Variants in ZNF711 observed in about 807,000 individuals in gnomAD.
ZNF711 encodes the protein zinc finger protein 711.
A neutral mutation model predicts 43.5 loss-of-function variants in ZNF711; 3 were observed. That is an observed-to-expected ratio of 0.07 (90% CI 0.03 to 0.18). ZNF711 has a LOEUF of 0.18. Ranked by LOEUF, ZNF711 falls within the 10% of genes least tolerant of loss-of-function variation. The probability of loss-of-function intolerance (pLI) is 1.00; values close to 1 mark genes in which losing one functional copy is unlikely to be tolerated. For synonymous variants in ZNF711, 209 were observed against 207.7 expected, an observed-to-expected ratio of 1.01 and a Z score of -0.06; for missense variants, 412 against 604.0, an observed-to-expected ratio of 0.68 and a Z score of 3.33.
intron 9 of ZNF711, among the ~76,000 whole-genome samples, chrX:85,269,045 G>A (rs1452892596): frequency 9.0e-6 from 1 of 111,428 alleles, no homozygotes; most frequent in African/African-American, 3.3e-5. Context: ...TGATAACTAG[G>A]ATTTTATTAA....
intron 5 of ZNF711, among the ~76,000 whole-genome samples, chrX:85,258,369 C>T (rs771440134): frequency 4.5e-5 from 5 of 110,288 alleles, no homozygotes; most frequent in Admixed American, 9.7e-5. Context: ...TTTGGGGACT[C>T]GGGAGAAAGG....
intron 5 of ZNF711, among the ~76,000 whole-genome samples, chrX:85,257,926 C>T (rs1930313835): frequency 8.8e-6 from 1 of 113,038 alleles, no homozygotes; most frequent in Non-Finnish European, 1.9e-5. Context: ...CACTTTTACA[C>T]TGTTGGTGGG....
Position 85,271,854 on chromosome X carries a change from A to G in ZNF711, c.*26A>G. The G allele has an allele frequency of 8.7e-7, 1 of 1,144,272 alleles. No individual in the cohort carries two copies. The highest frequency in any genetic ancestry group is 1.2e-6 in the Non-Finnish European group (1 of 836,511). 94.3% of individuals were successfully genotyped at this position (1,144,272 alleles called of 1,213,427 possible). On this transcript the variant is annotated 3_prime_UTR_variant, in exon 11 of 11. Transcript: ENST00000674551. The stretch of plus-strand genomic sequence containing the variant: ...TAAGATCAATATAAAGAAAGAAGCT[A>G]TTTAGGAGATATGATATGCTACTTG...
intron 4 of ZNF711, among the ~76,000 whole-genome samples, chrX:85,248,126 G>T (rs1216757457): frequency 9.6e-6 from 1 of 104,296 alleles, no homozygotes; most frequent in Non-Finnish European, 1.9e-5. Context: ...TATTTCCTCA[G>T]AAAGTTGTTA....
At chrX:85,255,147 G>T in intron 4 of ZNF711, 112 bp from the exon 5 acceptor site, 1 of 731,659 alleles carries the variant, frequency 1.4e-6, no homozygotes. Context: ...TGATTTATTT[G>T]GCCAAGATTA....
intron 5 of ZNF711, among the ~76,000 whole-genome samples, chrX:85,260,178 T>G (rs1425244123): frequency 5.4e-5 from 6 of 111,588 alleles, no homozygotes; most frequent in Non-Finnish European, 1.1e-4. Context: ...TAATTCTGTT[T>G]ATGTGGTGAA....
intron 4 of ZNF711, among the ~76,000 whole-genome samples, chrX:85,255,036 C>A (rs1010597736): frequency 1.8e-5 from 2 of 111,253 alleles, no homozygotes; most frequent in African/African-American, 6.5e-5. Context: ...ATTTTAAGGT[C>A]TTCATGTAGA....
chrX:85,269,404 G>T (rs1231446112), intron 9 of ZNF711, among the ~76,000 whole-genome samples: 1 of 101,685 alleles, frequency 9.8e-6, no homozygotes, highest in Admixed American at 1.1e-4. Context: ...AAGAGACAGG[G>T]TCTTCTTGCT....
chrX:85,263,217 A>C (rs1930816542), intron 5 of ZNF711, among the ~76,000 whole-genome samples: 1 of 111,165 alleles, frequency 9.0e-6, no homozygotes, highest in African/African-American at 3.2e-5. Flanking sequence ...TATTCATTGC[A>C]TAGTTCATGC....
rs1292116347 is a variant in ZNF711, at chrX:85,255,500, T to A, written c.321T>A (p.Asp107Glu). The change falls in exon 5 of 11, where the codon GAT becomes GAA. Residue 107 changes from aspartate (D) to glutamate (E), a missense_variant. Coordinates refer to ENST00000674551, the MANE Select transcript of ZNF711 (RefSeq NM_001330574.2). ...DVAIEEDLEE[D>E]DGDHILTSEL... The stretch of plus-strand genomic sequence containing the variant: ...CCATTGAAGAGGATTTAGAGGAAGA[T>A]GATGGTGATCACATCTTGACTTCTG... The A allele has an allele frequency of 3.3e-6, 4 of 1,210,045 alleles. No individual in the cohort carries two copies. The African/African-American group carries it at 7.0e-5, about 21-fold the overall frequency.
rs1057516013 is a variant in ZNF711, at chrX:85,245,958, G to T, written c.-350G>T. 8.9e-6 allele frequency: 1 copy of T among 112,057 alleles called. No homozygotes were observed. The highest frequency in any genetic ancestry group is 9.4e-5 in the Admixed American group (1 of 10,648). The allele number at this position is 112,057 out of a possible 1,213,427, so 9.2% of individuals were successfully genotyped here. A position where few individuals can be genotyped will look rare whatever the true frequency, so the allele number is the denominator to read the frequency against. Reference sequence around the variant, plus strand: ...CATAGCACAGAAGGAAAAATAAAAAGAAATTGCTGCAGATTTTACTTTATG... The same window carrying T: ...CATAGCACAGAAGGAAAAATAAAAATAAATTGCTGCAGATTTTACTTTATG... On this transcript the variant is annotated 5_prime_UTR_variant, in exon 2 of 11. Transcript: ENST00000674551.
intron 2 of ZNF711, among the ~76,000 whole-genome samples, chrX:85,246,519 C>T (rs1380400541): frequency 2.7e-5 from 3 of 112,001 alleles, no homozygotes; most frequent in Non-Finnish European, 5.6e-5. Context: ...TTACGTGTCA[C>T]CTTTCTGAAA....
chrX:85,256,182 C>A (rs1930121066), intron 5 of ZNF711, among the ~76,000 whole-genome samples: 1 of 109,814 alleles, frequency 9.1e-6, no homozygotes. Flanking sequence ...TTAAGTTTTT[C>A]TTAGGAACTT....
rs759007667 is a variant in ZNF711 at position 85,247,003 on chromosome X, T to G, written c.-212T>G. On this transcript the variant is annotated 5_prime_UTR_variant, in exon 3 of 11. Coordinates refer to ENST00000674551, the MANE Select transcript of ZNF711 (RefSeq NM_001330574.2). ...GTAGAGTGAGGCCAGAAGTCCTTAC[T>G]GGTTCAAAGAACTCCGGGGAAACTG... 3.4e-6 allele frequency: 1 copy of G among 296,088 alleles called. No individual in the cohort carries two copies. The highest frequency in any genetic ancestry group is 2.1e-4 in the South Asian group (1 of 4,876). The allele number at this position is 296,088 out of a possible 1,213,427, so 24.4% of individuals were successfully genotyped here.
chrX:85,265,951 C>A (rs1194429879), intron 7 of ZNF711, among the ~76,000 whole-genome samples: 1 of 111,656 alleles, frequency 9.0e-6, no homozygotes, highest in East Asian at 2.9e-4. Flanking sequence ...CTAAGTACCA[C>A]AGGACGATCA....
chrX:85,253,376 A>G (rs1305947355), intron 4 of ZNF711, among the ~76,000 whole-genome samples: 1 of 111,819 alleles, frequency 8.9e-6, no homozygotes. Flanking sequence ...ATAATAGAAT[A>G]TTTTATTAAC....
rs775155616 is a variant in ZNF711 at position 85,272,252 on chromosome X, G to A, written c.*424G>A. ...TAGAAATGGGGCAGGGAAACAAAAT[G>A]TGGTCATTCATCAGTCACTTAGTCA... is the stretch of plus-strand genomic sequence containing the variant. On this transcript the variant is annotated 3_prime_UTR_variant, in exon 11 of 11. Transcript: ENST00000674551. 1 of 123,795 alleles carries A rather than the reference G, an allele frequency of 8.1e-6. No homozygotes were observed. Among genetic ancestry groups the A allele is most frequent in the African/African-American group, 3.2e-5 (1 of 31,195 alleles). 10.2% of individuals were successfully genotyped at this position (123,795 alleles called of 1,213,427 possible). A position where few individuals can be genotyped will look rare whatever the true frequency, so the allele number is the denominator to read the frequency against.
In ZNF711 at chrX:85,268,354, T is replaced by C; in HGVS notation, c.1102+13T>C. ...TGTCAAGCATCAGGTAAGAGAGCATTGTATATGAGATGTGAGTTAAAGTTC... is the reference window on the plus strand; with the variant it reads ...TGTCAAGCATCAGGTAAGAGAGCATCGTATATGAGATGTGAGTTAAAGTTC... On this transcript the variant is annotated intron_variant, in intron 9 of 10. Coordinates refer to ENST00000674551, the MANE Select transcript of ZNF711 (RefSeq NM_001330574.2). 8.3e-7 allele frequency: 1 copy of C among 1,200,812 alleles called. No homozygotes were observed. The highest frequency in any genetic ancestry group is 1.1e-6 in the Non-Finnish European group (1 of 890,254).
chrX:85,257,612 A>G (rs1054831049), intron 5 of ZNF711, among the ~76,000 whole-genome samples: 3 of 112,277 alleles, frequency 2.7e-5, no homozygotes, highest in African/African-American at 9.7e-5. Flanking sequence ...TTGCTATTGT[A>G]AATAATGCTG....
Sources: gnomAD v4.1 joint callset for allele counts (sites outside exome capture counted in the v4.1 genomes callset) on GRCh38, gnomAD v4.1.1 for gene constraint, MANE v1.5 for transcripts, NCBI Gene and HGNC (gene_info 2026-07-23, HGNC 2026-07-21) for gene names.